The following ABLIM1 variants were observed in gnomAD, a reference collection of about 807,000 sequenced individuals.
ABLIM1 encodes actin binding LIM protein 1.
ABLIM1 carries 40 observed loss-of-function variants against 107.0 expected under a neutral mutation model. The ratio of observed to expected loss-of-function variants is 0.37; its 90% CI spans 0.29 to 0.49. The LOEUF (loss-of-function observed/expected upper bound fraction) is 0.49, where lower values mean the gene tolerates loss of function less well. Among genes scored for constraint, ABLIM1 ranks in the 20% least tolerant of loss-of-function variants. The pLI, the probability that ABLIM1 is intolerant of heterozygous loss-of-function variation, is 0.97. For synonymous variants in ABLIM1, 357 were observed against 357.3 expected, an observed-to-expected ratio of 1.00 and a Z score of 0.01; for missense variants, 857 against 1,008.5, an observed-to-expected ratio of 0.85 and a Z score of 2.04.
At chr10:114,660,029 G>C (rs1265668162), upstream of ABLIM1, among the ~76,000 whole-genome samples, 1 of 152,294 alleles carries the variant, frequency 6.6e-6, no homozygotes, top group East Asian at 1.9e-4. Context: ...TGTGAAGCAC[G>C]GTGGGAATGG....
chr10:114,445,654 C>T (rs1407225220), intron 15 of ABLIM1, among the ~76,000 whole-genome samples: 2 of 152,212 alleles, frequency 1.3e-5, no homozygotes, highest in Non-Finnish European at 2.9e-5. Context: ...GAATTTAGGC[C>T]TCCCTGCTCC....
At chr10:114,567,519 G>C (rs774495974) in intron 4 of ABLIM1, among the ~76,000 whole-genome samples, 1 of 152,202 alleles carries the variant, frequency 6.6e-6, no homozygotes, top group Non-Finnish European at 1.5e-5. Flanking sequence ...GGTTAGAAGA[G>C]TTACTGCAAG....
At chr10:114,685,697 G>T (rs886148422), upstream of ABLIM1, among the ~76,000 whole-genome samples, 2 of 152,188 alleles carry the variant, frequency 1.3e-5, no homozygotes, top group Non-Finnish European at 2.9e-5. Context: ...CATTTGCAGA[G>T]CTGTCATGTG....
Position 114,629,087 on chromosome 10 carries a change from C to G in ABLIM1, c.245-27126G>C, listed in dbSNP as rs991408340. Among the ~76,000 whole-genome samples the G allele has an allele frequency of 7.9e-5, 12 of 152,146 alleles. No homozygotes were observed. The highest frequency in any genetic ancestry group is 7.9e-4 in the Admixed American group (12 of 15,266). On this transcript the variant is annotated intron_variant, in intron 1 of 22. Coordinates refer to ENST00000533213, the MANE Select transcript of ABLIM1 (RefSeq NM_002313.7). This position sits in a 1 kb window ranked among gnomAD's most constrained non-coding sequence, Gnocchi z 4.0. ...GTCTGCAGCTGGAAGTGAATGGGTG[C>G]CTGGTCAGGAGAACAAAAGATAATA...
chr10:114,500,764 A>AAGGGG, intron 6 of ABLIM1, among the ~76,000 whole-genome samples: 1 of 144,028 alleles, frequency 6.9e-6, no homozygotes, highest in African/African-American at 2.5e-5. Context: ...AAGGGAAGGG[A>AAGGGG]AGGGAAGGGA....
rs569994531 is a variant in ABLIM1 at position 114,721,592 on chromosome 10, C to T, written c.-213+46469G>A. ...TGCCTCCCAGGTTCAAATGATTCTC[C>T]TGCCTCAGCCTCCCGAGTAGCTGAG... On this transcript the variant is annotated intron_variant, in intron 1 of 15. Transcript: ENST00000651092. 6.8e-4 allele frequency among the ~76,000 whole-genome samples: 103 copies of T among 152,198 alleles called. 3 individuals are homozygous for T. In the South Asian group the frequency reaches 0.02, roughly 29 times the overall value.
rs559120349 is a variant in ABLIM1 at position 114,655,505 on chromosome 10, A to G, written c.244+2452T>C. ...GATTTGAGTCTGTTTGAGTAGAAAC[A>G]TTCCATAGAAGCATCGAAGTCATTC... On this transcript the variant is annotated intron_variant, in intron 1 of 22. Transcript: ENST00000533213. Among the ~76,000 whole-genome samples, 71 of 152,344 alleles carry G rather than the reference A, an allele frequency of 4.7e-4. 1 individual carries two copies. The South Asian group carries it at 0.012, about 26-fold the overall frequency.
chr10:114,607,386 A>G (rs2076494747), intron 1 of ABLIM1, among the ~76,000 whole-genome samples: 1 of 152,156 alleles, frequency 6.6e-6, no homozygotes, highest in Non-Finnish European at 1.5e-5. Flanking sequence ...AGATGCAACC[A>G]GCAAAGCGTA....
intron 6 of ABLIM1, among the ~76,000 whole-genome samples, chr10:114,507,938 T>G (rs1180013289): frequency 2.6e-5 from 4 of 152,152 alleles, no homozygotes; most frequent in Non-Finnish European, 5.9e-5. Flanking sequence ...CTGCTGACCT[T>G]AGTCTAAGTT....
intron 6 of ABLIM1, among the ~76,000 whole-genome samples, chr10:114,501,382 C>G (rs1472255387): frequency 1.3e-5 from 2 of 152,172 alleles, no homozygotes; most frequent in Non-Finnish European, 2.9e-5. Flanking sequence ...TGGGAAGGCT[C>G]TAGTCAAGAT....
chr10:114,487,972 C>T lies in ABLIM1; in HGVS notation c.1027G>A (p.Glu343Lys), dbSNP rs1226673748. 4.3e-6 allele frequency: 7 copies of T among 1,614,032 alleles called. No individual in the cohort carries two copies. Among genetic ancestry groups the T allele is most frequent in the Middle Eastern group, 1.6e-4 (1 of 6,084 alleles). ...HPDCKQSTKTEEKLRPTRTSS... is the reference protein window; with the variant it reads ...HPDCKQSTKTKEKLRPTRTSS... ...TGTGTCCTTACCCGCAGCTTTTCCT[C>T]GGTCTTCGTAGATTGCTTACAGTCG... The change falls in exon 8 of 23, where the codon GAG becomes AAG. Residue 343 changes from glutamate to lysine, a missense_variant. Glu to Lys is a moderately conservative substitution (Grantham distance 56). Coordinates refer to ENST00000533213, the MANE Select transcript of ABLIM1 (RefSeq NM_002313.7).
At chr10:114,756,524 T>C (rs534847978) in intron 1 of ABLIM1, among the ~76,000 whole-genome samples, 6 of 152,308 alleles carry the variant, frequency 3.9e-5, no homozygotes, top group African/African-American at 1.4e-4. Flanking sequence ...TAATATTGTG[T>C]CTTATCATCC....
chr10:114,723,969 G>T (rs1159909695), intron 1 of ABLIM1, among the ~76,000 whole-genome samples: 2 of 152,096 alleles, frequency 1.3e-5, no homozygotes, highest in African/African-American at 4.8e-5. Context: ...CATCTGCGTG[G>T]TTCCTTCATT....
chr10:114,794,612 C>T, the ABLIM1 span, among the ~76,000 whole-genome samples: 2 of 152,134 alleles, frequency 1.3e-5, no homozygotes, highest in Non-Finnish European at 2.9e-5. Flanking sequence ...TTTCTTGATG[C>T]TGATGTTTTT....
At chr10:114,503,338 C>A (rs2060683609) in intron 6 of ABLIM1, among the ~76,000 whole-genome samples, 1 of 151,998 alleles carries the variant, frequency 6.6e-6, no homozygotes, top group African/African-American at 2.4e-5. Context: ...GTAGTCCCAG[C>A]TAATTGGTAG....
At chr10:114,471,540 T>G (rs912344543) in intron 10 of ABLIM1, among the ~76,000 whole-genome samples, 23 of 152,098 alleles carry the variant, frequency 1.5e-4, no homozygotes, top group Admixed American at 1.4e-3. Flanking sequence ...CAGCTACAGC[T>G]AAGTGACCAC....
chr10:114,497,283 T>C (rs2059791674), intron 6 of ABLIM1, among the ~76,000 whole-genome samples: 1 of 152,230 alleles, frequency 6.6e-6, no homozygotes, highest in Non-Finnish European at 1.5e-5. Flanking sequence ...GCAGCCGTCC[T>C]GCCTGAGCCT....
intron 4 of ABLIM1, among the ~76,000 whole-genome samples, chr10:114,565,784 A>ATTTTTTT (rs1591259635): frequency 1.3e-5 from 1 of 74,576 alleles, no homozygotes; most frequent in Non-Finnish European, 2.8e-5. Context: ...ATCTGAAATG[A>ATTTTTTT]TTTCTTTTTT....
chr10:114,635,672 C>T (rs556855724), intron 1 of ABLIM1, among the ~76,000 whole-genome samples: 196 of 152,336 alleles, frequency 1.3e-3, no homozygotes, highest in African/African-American at 4.5e-3. Context: ...TTGCAGTGCG[C>T]CACCACGCCT....
Sources: allele counts gnomAD v4.1 joint callset (sites outside exome capture counted in the v4.1 genomes callset), GRCh38; gene constraint gnomAD v4.1.1; non-coding constraint Gnocchi (gnomAD v3.1); transcripts MANE v1.5; gene names NCBI Gene and HGNC (gene_info 2026-07-23, HGNC 2026-07-21).